TTC39B: variants seen among roughly 807,000 people sequenced by gnomAD.
TTC39B encodes the protein tetratricopeptide repeat domain 39B.
TTC39B carries 92 observed loss-of-function variants against 96.6 expected under a neutral mutation model. The observed-to-expected ratio is 0.95, with a 90% CI of 0.80 to 1.13. The LOEUF is 1.13. Among genes scored for constraint, TTC39B ranks in the 50% most tolerant of loss-of-function variants. The pLI is 0.00. For missense variants in TTC39B, 955 were observed against 809.3 expected (o/e 1.18, Z -2.18); for synonymous variants, 367 against 299.4 (o/e 1.23, Z -2.33).
intron 19 of TTC39B, among the ~76,000 whole-genome samples, 200 bp from the exon 20 acceptor site, chr9:15,172,309 C>T (rs1030056062): frequency 7.9e-5 from 12 of 152,014 alleles, no homozygotes; most frequent in Non-Finnish European, 1.5e-4. Flanking sequence ...CTAGAAGCTT[C>T]CTGGTGGTCA....
intron 2 of TTC39B, among the ~76,000 whole-genome samples, chr9:15,247,642 A>G (rs1822338463): frequency 6.6e-6 from 1 of 152,204 alleles, no homozygotes. Flanking sequence ...CCACTGAAGC[A>G]TAATCTGCCC....
intron 13 of TTC39B, 35 bp downstream of exon 13, chr9:15,189,539 C>A: frequency 1.2e-6 from 2 of 1,612,414 alleles, no homozygotes; most frequent in South Asian, 2.2e-5. Context: ...GCCATACAGA[C>A]AACTCCCCCA....
chr9:15,256,474 G>A (rs1189509874), intron 2 of TTC39B, among the ~76,000 whole-genome samples: 1 of 152,180 alleles, frequency 6.6e-6, no homozygotes, highest in Non-Finnish European at 1.5e-5. Flanking sequence ...TATGTGACAA[G>A]CATGGTGCAT....
At chr9:15,237,484 T>C (rs1261702627) in intron 2 of TTC39B, among the ~76,000 whole-genome samples, 2 of 151,974 alleles carry the variant, frequency 1.3e-5, no homozygotes, top group East Asian at 1.9e-4. Flanking sequence ...CAAATGATCA[T>C]AAGAGACTCC....
intron 3 of TTC39B, among the ~76,000 whole-genome samples, chr9:15,220,420 T>G (rs1264213263): frequency 2.6e-5 from 4 of 152,176 alleles, no homozygotes. Flanking sequence ...TGGCGAGACT[T>G]CCAAGAAAGT....
chr9:15,183,420 C>G (rs1818348834), intron 16 of TTC39B: 1 of 373,482 alleles, frequency 2.7e-6, no homozygotes, highest in African/African-American at 2.3e-5. Context: ...AAGCTCATAT[C>G]TGAGACTTTA....
intron 2 of TTC39B, among the ~76,000 whole-genome samples, chr9:15,262,740 G>A (rs918132238): frequency 1.3e-5 from 2 of 152,156 alleles, no homozygotes; most frequent in African/African-American, 4.8e-5. Context: ...CTGTTAGTGT[G>A]AATCCTTTCA....
chr9:15,179,761 C>G (rs1281337320), intron 17 of TTC39B, among the ~76,000 whole-genome samples: 1 of 152,132 alleles, frequency 6.6e-6, no homozygotes, highest in Non-Finnish European at 1.5e-5. Context: ...CATTCTGGTG[C>G]TCTGTGAATG....
At chr9:15,170,371 T>C (rs1817608681) in exon 20 of TTC39B, 1 of 152,218 alleles carries the variant, frequency 6.6e-6, no homozygotes, top group Non-Finnish European at 1.5e-5. Context: ...TATTTGAATT[T>C]CTACACTTCT....
chr9:15,177,683 T>TTGTTTGGTCTTACCTTTCCACAACA lies in TTC39B; in HGVS notation c.1830_1841+13dup. ...ACAATTTGCACTTGGGCTGGTTTTA[T>TTGTTTGGTCTTACCTTTCCACAACA]TGTTTGGTCTTACCTTTCCACAACA... On this transcript the variant is annotated intron_variant, in intron 18 of 19. Transcript: ENST00000512701. 6.4e-7 allele frequency: 1 copy of TTGTTTGGTCTTACCTTTCCACAACA among 1,573,086 alleles called. No homozygotes were observed.
chr9:15,198,115 C>A (rs540002031), intron 8 of TTC39B, among the ~76,000 whole-genome samples: 2 of 152,192 alleles, frequency 1.3e-5, no homozygotes, highest in Admixed American at 6.5e-5. Flanking sequence ...GAAAGTCTGA[C>A]ACCGCATTGT....
At chr9:15,257,094 A>T (rs1303288312) in intron 2 of TTC39B, among the ~76,000 whole-genome samples, 1 of 152,230 alleles carries the variant, frequency 6.6e-6, no homozygotes, top group African/African-American at 2.4e-5. Flanking sequence ...TTTAGGTGTG[A>T]CAACAGTCTT....
intron 1 of TTC39B, among the ~76,000 whole-genome samples, chr9:15,290,562 T>C (rs1824146346): frequency 6.6e-6 from 1 of 152,222 alleles, no homozygotes; most frequent in South Asian, 2.1e-4. Flanking sequence ...CATCCTACCA[T>C]CCACCCAGAG....
intron 1 of TTC39B, among the ~76,000 whole-genome samples, chr9:15,304,233 T>C (rs1369550882): frequency 6.6e-6 from 1 of 152,232 alleles, no homozygotes; most frequent in Non-Finnish European, 1.5e-5. Context: ...CTCTACGTTA[T>C]AAATTTGTTG....
intron 2 of TTC39B, chr9:15,249,864 G>C (rs1822453333): frequency 1.7e-6 from 2 of 1,161,360 alleles, no homozygotes; most frequent in Non-Finnish European, 2.2e-6. Flanking sequence ...TAGATTTAAA[G>C]AGAACATTTG....
At chr9:15,262,547 T>C (rs1822984002) in intron 2 of TTC39B, among the ~76,000 whole-genome samples, 1 of 152,158 alleles carries the variant, frequency 6.6e-6, no homozygotes. Flanking sequence ...TTGTGTTATT[T>C]TAACTATTTT....
rs1157001124 is a variant in TTC39B at position 15,167,010 on chromosome 9, ATATATATATATATATATATTTTTTT to A, written c.*4984_*5008del. 24 of 6,196 alleles carry A rather than the reference ATATATATATATATATATATTTTTTT, an allele frequency of 3.9e-3. 3 individuals are homozygous for A. The highest frequency in any genetic ancestry group is 0.019 in the African/African-American group (24 of 1,246). The allele number at this position is 6,196 out of a possible 1,614,324, so 0.4% of individuals were successfully genotyped here. On this transcript the variant is annotated 3_prime_UTR_variant, in exon 20 of 20. Coordinates refer to ENST00000512701, the Ensembl canonical transcript of TTC39B. The stretch of plus-strand genomic sequence containing the variant: ...TATATATATATATATATATATATAT[ATATATATATATATATATATTTTTTT>A]TTTTTTTTTTTTTTTTTTTGAGACA...
At chr9:15,236,045 G>C (rs1032703802) in intron 2 of TTC39B, among the ~76,000 whole-genome samples, 2 of 151,926 alleles carry the variant, frequency 1.3e-5, no homozygotes, top group African/African-American at 2.4e-5. Context: ...AAAAATACAA[G>C]ACCCAACCAT....
chr9:15,298,336 T>C (rs1824456020), intron 1 of TTC39B, among the ~76,000 whole-genome samples: 1 of 152,192 alleles, frequency 6.6e-6, no homozygotes, highest in Admixed American at 6.5e-5. Context: ...GTAGGGCTTC[T>C]CACGCTCCAT....
Sources: gnomAD v4.1 joint callset for allele counts (sites outside exome capture counted in the v4.1 genomes callset) on GRCh38, gnomAD v4.1.1 for gene constraint, MANE v1.5 for transcripts, NCBI Gene and HGNC (gene_info 2026-07-23, HGNC 2026-07-21) for gene names.